SSH2: variants seen among roughly 807,000 people sequenced by gnomAD.
The protein encoded by SSH2 is slingshot protein phosphatase 2, also known as protein phosphatase Slingshot homolog 2.
A neutral mutation model predicts 135.2 loss-of-function variants in SSH2; 37 were observed. The ratio of observed to expected loss-of-function variants is 0.27; its 90% CI spans 0.21 to 0.36. The LOEUF (loss-of-function observed/expected upper bound fraction) is 0.36. Among genes scored for constraint, SSH2 ranks in the 10% least tolerant of loss-of-function variants. The probability of loss-of-function intolerance (pLI) is 1.00; values close to 1 mark genes in which losing one functional copy is unlikely to be tolerated. For synonymous variants in SSH2, 628 were observed against 646.2 expected (o/e 0.97, Z 0.43); for missense variants, 1,408 against 1,765.3 (o/e 0.80, Z 3.63).
rs758988324 is a variant in SSH2, at chr17:29,631,036, G to T, written c.4158C>A (p.Pro1386=). 6.2e-7 allele frequency: 1 copy of T among 1,614,172 alleles called. No individual in the cohort carries two copies. The highest frequency in any genetic ancestry group is 1.7e-5 in the Admixed American group (1 of 60,016). ...AACTAGTCAATTCAAGTCCTGCCCT[G>T]GGGAGCAAATACTGCTGACTAGAAC... ...EFGSSQQYLL[P]RAGLELTSSE... is the part of the protein sequence containing the mutation. The change falls in exon 16 of 16, where the codon CCC becomes CCA. Residue 1386 remains proline (P), a synonymous_variant. Transcript: ENST00000540801.
chr17:29,833,261 G>A (rs1057134454), intron 2 of SSH2, among the ~76,000 whole-genome samples: 2 of 152,014 alleles, frequency 1.3e-5, no homozygotes, highest in Admixed American at 6.5e-5. Context: ...ATATATCTGA[G>A]TGCTCCAATG....
intron 2 of SSH2, among the ~76,000 whole-genome samples, chr17:29,794,275 T>A (rs1458919265): frequency 6.6e-6 from 1 of 152,206 alleles, no homozygotes; most frequent in East Asian, 1.9e-4. Flanking sequence ...GCATTCTGAC[T>A]ACCACCAATA....
intron 6 of SSH2, among the ~76,000 whole-genome samples, chr17:29,684,106 A>T (rs900873588): frequency 1.5e-4 from 23 of 152,226 alleles, no homozygotes; most frequent in Admixed American, 1.4e-3. Flanking sequence ...TTGTTTCTCA[A>T]GACTGTGGCT....
chr17:29,761,553 C>G (rs1023585779), intron 3 of SSH2: 1 of 478,970 alleles, frequency 2.1e-6, no homozygotes. Context: ...CCGCGCGGAT[C>G]CCGCAGCGCG....
intron 1 of SSH2, among the ~76,000 whole-genome samples, chr17:29,875,237 C>T (rs1415577589): frequency 7.2e-5 from 11 of 152,164 alleles, no homozygotes; most frequent in Admixed American, 7.2e-4. Flanking sequence ...CATAAGCCTG[C>T]CCAGGACTAG....
chr17:29,661,675 A>G (rs1309402254), intron 11 of SSH2, among the ~76,000 whole-genome samples: 1 of 152,256 alleles, frequency 6.6e-6, no homozygotes, highest in East Asian at 1.9e-4. Flanking sequence ...AACTGGAGCC[A>G]GCGAAATGTG....
At chr17:29,773,111 C>A (rs1440124537) in intron 3 of SSH2, among the ~76,000 whole-genome samples, 5 of 151,960 alleles carry the variant, frequency 3.3e-5, no homozygotes. Flanking sequence ...TCCACCCATC[C>A]ATCCTATTCT....
chr17:29,671,653 C>G (rs907074393), intron 9 of SSH2, among the ~76,000 whole-genome samples: 3 of 152,174 alleles, frequency 2.0e-5, no homozygotes, highest in Admixed American at 2.0e-4. Context: ...CTCCTTTAAA[C>G]TCAAATTTCA....
chr17:29,921,196 A>G (rs2151486033), intron 1 of SSH2, among the ~76,000 whole-genome samples: 1 of 152,306 alleles, frequency 6.6e-6, no homozygotes, highest in Non-Finnish European at 1.5e-5. Flanking sequence ...CACTTATCTG[A>G]GTCTGTATTT....
intron 5 of SSH2, among the ~76,000 whole-genome samples, chr17:29,692,218 C>T (rs2038514868): frequency 1.3e-5 from 2 of 150,756 alleles, no homozygotes; most frequent in Admixed American, 6.6e-5. Flanking sequence ...TAACCTTCTG[C>T]ACAAATCTTC....
intron 2 of SSH2, among the ~76,000 whole-genome samples, chr17:29,833,626 ATT>A (rs2042886311): frequency 6.6e-6 from 1 of 150,716 alleles, no homozygotes; most frequent in African/African-American, 2.4e-5. Context: ...TCATTTTGTT[ATT>A]TGTTTTCTGT....
chr17:29,822,210 G>GA (rs1412165162), intron 2 of SSH2, among the ~76,000 whole-genome samples: 1 of 152,180 alleles, frequency 6.6e-6, no homozygotes, highest in African/African-American at 2.4e-5. Context: ...CAGGTCACCT[G>GA]AGACTGGCAT....
intron 3 of SSH2, among the ~76,000 whole-genome samples, chr17:29,729,605 A>G (rs1466065570): frequency 1.3e-5 from 2 of 152,202 alleles, no homozygotes; most frequent in Non-Finnish European, 2.9e-5. Flanking sequence ...TTGCAGCTCT[A>G]CTCACAATAG....
chr17:29,744,379 G>A (rs1407205329), intron 3 of SSH2, among the ~76,000 whole-genome samples: 2 of 152,082 alleles, frequency 1.3e-5, no homozygotes, highest in Admixed American at 6.5e-5. Context: ...TGCTGGTCCC[G>A]GCGTGTATTA....
At chr17:29,907,462 C>T (rs1378857216) in intron 1 of SSH2, among the ~76,000 whole-genome samples, 1 of 152,116 alleles carries the variant, frequency 6.6e-6, no homozygotes, top group Admixed American at 6.6e-5. Context: ...TACATGTTTA[C>T]TTATGTAACA....
At chr17:29,721,858 A>G (rs1052744556) in intron 3 of SSH2, among the ~76,000 whole-genome samples, 2 of 152,214 alleles carry the variant, frequency 1.3e-5, no homozygotes, top group African/African-American at 2.4e-5. Context: ...TATTACTAAC[A>G]AGATTAGTCA....
chr17:29,673,619 A>G (rs1245996143), intron 8 of SSH2, among the ~76,000 whole-genome samples: 1 of 152,138 alleles, frequency 6.6e-6, no homozygotes, highest in Non-Finnish European at 1.5e-5. Flanking sequence ...AAAGTGATCC[A>G]TGCCTACTTT....
intron 1 of SSH2, 56 bp from the exon 2 acceptor site, chr17:29,848,985 AG>A: frequency 8.3e-7 from 1 of 1,210,418 alleles, no homozygotes; most frequent in Non-Finnish European, 1.2e-6. Context: ...CATAAGCACG[AG>A]GGGAAAAGCA....
At chr17:29,638,569 G>T (rs2036017949) in intron 14 of SSH2, among the ~76,000 whole-genome samples, 1 of 145,916 alleles carries the variant, frequency 6.9e-6, no homozygotes, top group African/African-American at 2.6e-5. Flanking sequence ...CACAGAGACA[G>T]GGTATCACAC....
Sources: gnomAD v4.1 joint callset for allele counts (sites outside exome capture counted in the v4.1 genomes callset) on GRCh38, gnomAD v4.1.1 for gene constraint, MANE v1.5 for transcripts, NCBI Gene and HGNC (gene_info 2026-07-23, HGNC 2026-07-21) for gene names.